The following CEP63 variants were observed in gnomAD, a reference collection of about 807,000 sequenced individuals.
CEP63 encodes centrosomal protein 63, also known as centrosomal protein of 63 kDa.
In CEP63, 84 loss-of-function variants were observed where a neutral mutation model predicts 89.1. The observed-to-expected ratio is 0.94, with a 90% CI of 0.79 to 1.13. The LOEUF is 1.13. CEP63 is among the 50% of genes most tolerant of loss of function. The probability of loss-of-function intolerance (pLI) is 0.00; values close to 1 mark genes in which losing one functional copy is unlikely to be tolerated. For synonymous variants in CEP63, 267 were observed against 272.5 expected (o/e 0.98, Z 0.20); for missense variants, 838 against 813.3 (o/e 1.03, Z -0.37).
intron 1 of CEP63, among the ~76,000 whole-genome samples, chr3:134,487,666 C>T (rs540915594): frequency 3.3e-5 from 5 of 152,338 alleles, no homozygotes; most frequent in African/African-American, 1.2e-4. Context: ...TAGTCCGCCT[C>T]CCCGCCCCCA....
At chr3:134,550,517 C>A (rs958322991) in intron 11 of CEP63, among the ~76,000 whole-genome samples, 4 of 152,106 alleles carry the variant, frequency 2.6e-5, no homozygotes, top group African/African-American at 9.7e-5. Context: ...CTAGACCACT[C>A]GCTGCAAAGG....
intron 12 of CEP63, among the ~76,000 whole-genome samples, chr3:134,554,065 T>A (rs1221703621): frequency 1.3e-5 from 2 of 152,198 alleles, no homozygotes; most frequent in African/African-American, 4.8e-5. Flanking sequence ...TTATTTTTGT[T>A]CTATTTTATT....
At chr3:134,708,812 C>T in the CEP63 span, among the ~76,000 whole-genome samples, 5 of 152,006 alleles carry the variant, frequency 3.3e-5, no homozygotes, top group Admixed American at 6.6e-5. Context: ...GATGCGGTGG[C>T]GACCACCTTG....
the CEP63 span, among the ~76,000 whole-genome samples, chr3:134,596,360 C>T: frequency 6.6e-6 from 1 of 152,152 alleles, no homozygotes; most frequent in Non-Finnish European, 1.5e-5. Context: ...CAGTATGTGT[C>T]CTCTTTTAGA....
At chr3:134,499,473 T>G (rs1335825532) in intron 2 of CEP63, among the ~76,000 whole-genome samples, 1 of 152,204 alleles carries the variant, frequency 6.6e-6, no homozygotes, top group Non-Finnish European at 1.5e-5. Flanking sequence ...TTTTGTTTCA[T>G]TGATTCTTTG....
At chr3:134,628,180 A>G in the CEP63 span, 1 of 270,736 alleles carries the variant, frequency 3.7e-6, no homozygotes, top group African/African-American at 2.2e-5. Context: ...CTGCCAGATA[A>G]TGCCGGGATA....
the CEP63 span, among the ~76,000 whole-genome samples, chr3:134,748,194 A>G: frequency 1.3e-5 from 2 of 152,110 alleles, no homozygotes; most frequent in Non-Finnish European, 2.9e-5. Flanking sequence ...TCCTTACAGC[A>G]ATAGTTATAC....
intron 11 of CEP63, among the ~76,000 whole-genome samples, chr3:134,574,254 G>T (rs1488309725): frequency 3.3e-5 from 5 of 152,346 alleles, no homozygotes; most frequent in Non-Finnish European, 5.9e-5. Context: ...AGATGGAGGA[G>T]CGGCTTCTGC....
At chr3:134,568,223 A>G (rs763684726), downstream of CEP63, among the ~76,000 whole-genome samples, 3 of 152,136 alleles carry the variant, frequency 2.0e-5, no homozygotes, top group Non-Finnish European at 4.4e-5. Flanking sequence ...GGGGCCTCTC[A>G]GTGGGCCAGC....
At chr3:134,774,653 T>C in the CEP63 span, among the ~76,000 whole-genome samples, 3 of 152,228 alleles carry the variant, frequency 2.0e-5, no homozygotes, top group Non-Finnish European at 2.9e-5. Context: ...CCAACTTATA[T>C]ATAAATGCTG....
chr3:134,530,164 C>T (rs919599605), intron 3 of CEP63, among the ~76,000 whole-genome samples: 4 of 152,094 alleles, frequency 2.6e-5, no homozygotes, highest in South Asian at 2.1e-4. Context: ...TGAGCCACCG[C>T]GCCCAACAAG....
At chr3:134,623,720 G>C in the CEP63 span, among the ~76,000 whole-genome samples, 2 of 152,092 alleles carry the variant, frequency 1.3e-5, no homozygotes, top group African/African-American at 4.8e-5. Flanking sequence ...TGCCCCTCTG[G>C]AGGTAAGGTG....
At chr3:134,705,537 G>A in the CEP63 span, among the ~76,000 whole-genome samples, 1 of 152,176 alleles carries the variant, frequency 6.6e-6, no homozygotes, top group Admixed American at 6.5e-5. Context: ...AGTTTTGGTG[G>A]GGATGAACCT....
downstream of CEP63, among the ~76,000 whole-genome samples, chr3:134,568,195 C>G: frequency 6.6e-6 from 1 of 152,062 alleles, no homozygotes; most frequent in East Asian, 1.9e-4. Context: ...TCTGTGGCAC[C>G]AGCTTTGGGA....
At chr3:134,491,696 A>G (rs1195417359) in intron 1 of CEP63, among the ~76,000 whole-genome samples, 2 of 152,232 alleles carry the variant, frequency 1.3e-5, no homozygotes, top group Non-Finnish European at 2.9e-5. Context: ...AATGCTTAGT[A>G]ATACTGATTG....
At chr3:134,756,005 C>G in the CEP63 span, among the ~76,000 whole-genome samples, 1 of 152,204 alleles carries the variant, frequency 6.6e-6, no homozygotes, top group South Asian at 2.1e-4. Flanking sequence ...TTAGTCCCTG[C>G]CAGGAAGCTG....
the CEP63 span, among the ~76,000 whole-genome samples, chr3:134,680,003 G>A: frequency 2.0e-5 from 3 of 152,290 alleles, no homozygotes; most frequent in South Asian, 6.2e-4. Flanking sequence ...GGGATTACAA[G>A]TGTGAGCCAC....
At chr3:134,695,428 A>T in the CEP63 span, among the ~76,000 whole-genome samples, 1 of 152,194 alleles carries the variant, frequency 6.6e-6, no homozygotes, top group African/African-American at 2.4e-5. Context: ...GTTTACAGAG[A>T]GATGGGGCCT....
At chr3:134,717,217 TGG>T in the CEP63 span, among the ~76,000 whole-genome samples, 1 of 152,210 alleles carries the variant, frequency 6.6e-6, no homozygotes, top group Non-Finnish European at 1.5e-5. Context: ...GGCAGAGCAC[TGG>T]ATGAGGCTGT....
Sources: allele counts gnomAD v4.1 joint callset (sites outside exome capture counted in the v4.1 genomes callset), GRCh38; gene constraint gnomAD v4.1.1; transcripts MANE v1.5; gene names NCBI Gene and HGNC (gene_info 2026-07-23, HGNC 2026-07-21).